Variants in CFAP206 observed in about 807,000 individuals in gnomAD.
CFAP206 encodes cilia- and flagella-associated protein 206.
Under a neutral mutation model 65.4 loss-of-function variants are expected in CFAP206, and 53 were observed. The observed-to-expected ratio is 0.81, with a 90% CI of 0.65 to 1.02. CFAP206 has a LOEUF of 1.02. Ranked by LOEUF, CFAP206 falls within the 50% of genes least tolerant of loss-of-function variation. The pLI is 0.00. For synonymous variants in CFAP206, 250 were observed against 254.4 expected (o/e 0.98, Z 0.17); for missense variants, 663 against 753.2 (o/e 0.88, Z 1.40).
chr6:87,410,168 AC>A (rs1174080456), intron 2 of CFAP206, among the ~76,000 whole-genome samples: 1 of 152,238 alleles, frequency 6.6e-6, no homozygotes, highest in Non-Finnish European at 1.5e-5. Context: ...AGTTTTGGAA[AC>A]ATCAATAATG....
intron 11 of CFAP206, among the ~76,000 whole-genome samples, chr6:87,458,197 A>G (rs1768682167): frequency 6.6e-6 from 1 of 152,210 alleles, no homozygotes; most frequent in Non-Finnish European, 1.5e-5. Context: ...ATATGGAGAA[A>G]GGGAACCCTA....
intron 10 of CFAP206, among the ~76,000 whole-genome samples, chr6:87,433,462 T>A (rs1207846566): frequency 6.6e-6 from 1 of 152,236 alleles, no homozygotes; most frequent in African/African-American, 2.4e-5. Flanking sequence ...CTATGTAGTA[T>A]CTTTTTACAG....
chr6:87,434,503 T>G (rs1768217633), intron 10 of CFAP206, among the ~76,000 whole-genome samples: 1 of 37,352 alleles, frequency 2.7e-5, no homozygotes, highest in Non-Finnish European at 5.9e-5. Flanking sequence ...TTTCTTTTTC[T>G]TTTTTTTTTT....
chr6:87,453,211 A>G (rs1424154181), intron 11 of CFAP206, among the ~76,000 whole-genome samples: 1 of 152,154 alleles, frequency 6.6e-6, no homozygotes, highest in Non-Finnish European at 1.5e-5. Flanking sequence ...AAAATTTTTT[A>G]TCCTAGAATG....
chr6:87,446,957 T>G (rs1403457453), intron 11 of CFAP206, among the ~76,000 whole-genome samples: 1 of 152,192 alleles, frequency 6.6e-6, no homozygotes, highest in Non-Finnish European at 1.5e-5. Flanking sequence ...TTGTGGTAAT[T>G]GTGAATGGAA....
At chr6:87,450,855 G>A (rs915848924) in intron 11 of CFAP206, among the ~76,000 whole-genome samples, 3 of 152,112 alleles carry the variant, frequency 2.0e-5, no homozygotes, top group Admixed American at 6.5e-5. Flanking sequence ...TAGCGGCCAC[G>A]TGACACAGAT....
intron 11 of CFAP206, among the ~76,000 whole-genome samples, chr6:87,448,951 T>C (rs1456501606): frequency 1.3e-5 from 2 of 152,188 alleles, no homozygotes; most frequent in Non-Finnish European, 2.9e-5. Context: ...TTGTGAGTAG[T>C]ACTGTGATAA....
chr6:87,459,386 A>C (rs775805329), intron 11 of CFAP206, among the ~76,000 whole-genome samples: 19 of 152,106 alleles, frequency 1.2e-4, no homozygotes, highest in Non-Finnish European at 2.6e-4. Context: ...TGAGTTATAT[A>C]CTGGTTTTAA....
chr6:87,409,772 G>T, intron 1 of CFAP206, 63 bp from the exon 2 acceptor site: 1 of 1,052,766 alleles, frequency 9.5e-7, no homozygotes, highest in East Asian at 2.5e-5. Context: ...GAAATCAAAA[G>T]AGGAAAAAAA....
At chr6:87,422,093 T>C (rs547719914) in intron 7 of CFAP206, among the ~76,000 whole-genome samples, 7 of 152,182 alleles carry the variant, frequency 4.6e-5, no homozygotes, top group African/African-American at 7.2e-5. Context: ...GCCAAACATT[T>C]GAATGTTATG....
chr6:87,459,019 GTA>G (rs1768698261), intron 11 of CFAP206, among the ~76,000 whole-genome samples: 2 of 152,036 alleles, frequency 1.3e-5, no homozygotes. Context: ...TGTTCAAATT[GTA>G]GAGTTCCTGG....
chr6:87,459,993 AC>A (rs1768716261), intron 11 of CFAP206, among the ~76,000 whole-genome samples: 1 of 152,126 alleles, frequency 6.6e-6, no homozygotes, highest in African/African-American at 2.4e-5. Flanking sequence ...CTTGCCATTT[AC>A]TTGTATGGTA....
At chr6:87,450,474 AATGTGT>A (rs1208914426) in intron 11 of CFAP206, among the ~76,000 whole-genome samples, 1 of 105,026 alleles carries the variant, frequency 9.5e-6, no homozygotes, top group Non-Finnish European at 2.0e-5. Flanking sequence ...AATAAATGAA[AATGTGT>A]GTGTGTGTGT....
intron 11 of CFAP206, among the ~76,000 whole-genome samples, chr6:87,453,659 T>G (rs918629353): frequency 6.6e-6 from 1 of 152,144 alleles, no homozygotes; most frequent in Non-Finnish European, 1.5e-5. Context: ...AGAGTTAAGT[T>G]TTCATCAGTT....
intron 5 of CFAP206, 64 bp downstream of exon 5, chr6:87,415,938 C>T (rs1767823139): frequency 1.8e-6 from 2 of 1,112,324 alleles, no homozygotes; most frequent in East Asian, 5.9e-5. Context: ...TTTTATAAAA[C>T]ATGTTAAATT....
intron 8 of CFAP206, among the ~76,000 whole-genome samples, chr6:87,427,418 C>T (rs1414077293): frequency 6.6e-6 from 1 of 152,172 alleles, no homozygotes; most frequent in African/African-American, 2.4e-5. Flanking sequence ...GGATTACAGG[C>T]ATGAGCCACT....
At chr6:87,453,566 A>T (rs568033449) in intron 11 of CFAP206, among the ~76,000 whole-genome samples, 4 of 152,250 alleles carry the variant, frequency 2.6e-5, no homozygotes, top group Admixed American at 6.5e-5. Context: ...AAACAACAAA[A>T]AGTTAAGAAG....
chr6:87,418,426 G>A lies in CFAP206; in HGVS notation c.840+10G>A. 1.2e-6 allele frequency: 2 copies of A among 1,610,514 alleles called. No individual in the cohort carries two copies. Among genetic ancestry groups the A allele is most frequent in the Non-Finnish European group, 1.7e-6 (2 of 1,177,070 alleles). On this transcript the variant is annotated intron_variant, in intron 7 of 12. Coordinates refer to ENST00000369562, the MANE Select transcript of CFAP206 (RefSeq NM_001031743.3). The stretch of plus-strand genomic sequence containing the variant: ...CCTTCAGATCATTTTGGTGAGTTAA[G>A]TTCATAAGACCTGACCTTTTCTATA...
chr6:87,448,710 G>A (rs1258178278), intron 11 of CFAP206, among the ~76,000 whole-genome samples: 1 of 152,060 alleles, frequency 6.6e-6, no homozygotes, highest in Admixed American at 6.6e-5. Context: ...ATATGGGCAT[G>A]ATCTATGGGA....
Sources: allele counts gnomAD v4.1 joint callset (sites outside exome capture counted in the v4.1 genomes callset), GRCh38; gene constraint gnomAD v4.1.1; transcripts MANE v1.5; gene names NCBI Gene and HGNC (gene_info 2026-07-23, HGNC 2026-07-21).